The following ELL2 variants were observed in gnomAD, a reference collection of about 807,000 sequenced individuals.
ELL2 encodes elongation factor for RNA polymerase II 2, also known as RNA polymerase II elongation factor ELL2.
ELL2 carries 21 observed loss-of-function variants against 72.8 expected under a neutral mutation model. The observed-to-expected ratio is 0.29, with a 90% CI of 0.20 to 0.42. The LOEUF (loss-of-function observed/expected upper bound fraction) is 0.42, where lower values mean the gene tolerates loss of function less well. Among genes scored for constraint, ELL2 ranks in the 10% least tolerant of loss-of-function variants. ELL2 has a pLI of 1.00. For missense variants in ELL2, 568 were observed against 772.8 expected (o/e 0.73, Z 3.14); for synonymous variants, 266 against 283.2 (o/e 0.94, Z 0.61).
intron 2 of ELL2, among the ~76,000 whole-genome samples, chr5:95,925,280 T>C (rs895200827): frequency 3.9e-5 from 6 of 152,190 alleles, no homozygotes; most frequent in Non-Finnish European, 8.8e-5. Flanking sequence ...AGTGGACTCA[T>C]ATAGCTGAGC....
intron 2 of ELL2, among the ~76,000 whole-genome samples, chr5:95,920,241 TTTG>T (rs947840201): frequency 5.3e-5 from 8 of 151,688 alleles, no homozygotes; most frequent in Admixed American, 1.3e-4. Flanking sequence ...ATGTATTTTC[TTTG>T]TTGTTGTTGT....
intron 2 of ELL2, among the ~76,000 whole-genome samples, chr5:95,929,764 C>G (rs1750527872): frequency 6.7e-6 from 1 of 148,838 alleles, no homozygotes; most frequent in Admixed American, 6.7e-5. Flanking sequence ...AAATAAATTA[C>G]AAGATGAAAG....
At chr5:95,891,755 G>C (rs1748672440) in intron 9 of ELL2, among the ~76,000 whole-genome samples, 1 of 152,176 alleles carries the variant, frequency 6.6e-6, no homozygotes, top group Non-Finnish European at 1.5e-5. Flanking sequence ...GCAGTCTGTT[G>C]CTTGGCCTTT....
At chr5:95,936,529 T>G (rs1750778960) in intron 2 of ELL2, among the ~76,000 whole-genome samples, 1 of 152,120 alleles carries the variant, frequency 6.6e-6, no homozygotes, top group South Asian at 2.1e-4. Context: ...ACCCCTGTAA[T>G]CCCAGCACTT....
At chr5:95,927,163 G>A (rs1750312826) in intron 2 of ELL2, among the ~76,000 whole-genome samples, 1 of 151,850 alleles carries the variant, frequency 6.6e-6, no homozygotes. Flanking sequence ...TGGCACATAT[G>A]TATGAAAGTC....
intron 9 of ELL2, among the ~76,000 whole-genome samples, chr5:95,893,805 T>C (rs1748760646): frequency 6.6e-6 from 1 of 152,266 alleles, no homozygotes; most frequent in African/African-American, 2.4e-5. Flanking sequence ...AAATTTGCTA[T>C]ATCTATGTAA....
intron 2 of ELL2, among the ~76,000 whole-genome samples, chr5:95,933,327 A>G (rs915501091): frequency 1.3e-5 from 2 of 152,214 alleles, no homozygotes; most frequent in Non-Finnish European, 2.9e-5. Flanking sequence ...AGCAATAATA[A>G]TTTATGCACA....
chr5:95,936,366 G>A (rs952801780), intron 2 of ELL2, among the ~76,000 whole-genome samples: 3 of 152,152 alleles, frequency 2.0e-5, no homozygotes, highest in East Asian at 1.9e-4. Context: ...ACAGTGAATC[G>A]AGCTATCCTA....
In ELL2 at chr5:95,885,118, T is replaced by C. The variant is rs1181847672; in HGVS notation, c.*3753A>G. The C allele has an allele frequency of 1.3e-5, 2 of 152,234 alleles. No individual in the cohort carries two copies. Among genetic ancestry groups the C allele is most frequent in the Non-Finnish European group, 2.9e-5 (2 of 68,044 alleles). 9.4% of individuals were successfully genotyped at this position (152,234 alleles called of 1,614,324 possible). The stretch of plus-strand genomic sequence containing the variant: ...CAGAATTGCAAAGTTAACATTTTTA[T>C]TGAACTGAAATTGGTGTAGAACAGG... On this transcript the variant is annotated 3_prime_UTR_variant, in exon 12 of 12. Transcript: ENST00000237853.
chr5:95,961,350 G>C (rs1393967127), intron 1 of ELL2, among the ~76,000 whole-genome samples: 2 of 151,802 alleles, frequency 1.3e-5, no homozygotes, highest in Non-Finnish European at 2.9e-5. Flanking sequence ...CGGCTGCCTC[G>C]GCCCCGCCGC....
intron 9 of ELL2, among the ~76,000 whole-genome samples, chr5:95,892,628 G>A (rs920144137): frequency 2.0e-5 from 3 of 152,264 alleles, no homozygotes; most frequent in African/African-American, 4.8e-5. Context: ...GATGCCCCTT[G>A]GGGGTACACA....
chr5:95,951,003 C>A (rs1751375441), intron 1 of ELL2, among the ~76,000 whole-genome samples: 1 of 144,658 alleles, frequency 6.9e-6, no homozygotes, highest in African/African-American at 2.5e-5. Context: ...TCAAATAGCT[C>A]TTGAACATGG....
intron 2 of ELL2, among the ~76,000 whole-genome samples, chr5:95,924,917 G>A (rs1750231984): frequency 6.6e-6 from 1 of 152,146 alleles, no homozygotes; most frequent in Admixed American, 6.5e-5. Flanking sequence ...ATCAAGTCAC[G>A]GACGTCCTAT....
At chr5:95,905,341 T>G (rs1271838386) in intron 5 of ELL2, among the ~76,000 whole-genome samples, 2 of 152,184 alleles carry the variant, frequency 1.3e-5, no homozygotes, top group African/African-American at 2.4e-5. Context: ...ATGTGTGAAT[T>G]GCCTCTGCAG....
intron 4 of ELL2, among the ~76,000 whole-genome samples, chr5:95,908,768 C>G (rs1749472828): frequency 6.6e-6 from 1 of 152,120 alleles, no homozygotes; most frequent in African/African-American, 2.4e-5. Flanking sequence ...GTCAAGTTCA[C>G]AAGTTTAGAA....
At chr5:95,924,984 T>C (rs1343408612) in intron 2 of ELL2, among the ~76,000 whole-genome samples, 2 of 152,338 alleles carry the variant, frequency 1.3e-5, no homozygotes, top group Non-Finnish European at 1.5e-5. Context: ...CTTTCTCATA[T>C]GTGAATGCTA....
At chr5:95,907,766 AG>A (rs1749432985) in intron 4 of ELL2, among the ~76,000 whole-genome samples, 1 of 152,226 alleles carries the variant, frequency 6.6e-6, no homozygotes, top group Non-Finnish European at 1.5e-5. Flanking sequence ...TGGTTAAAGA[AG>A]GGGAAGAACT....
chr5:95,898,978 A>C (rs1193781381), intron 7 of ELL2, among the ~76,000 whole-genome samples, 168 bp from the exon 8 acceptor site: 2 of 140,762 alleles, frequency 1.4e-5, no homozygotes, highest in African/African-American at 5.5e-5. Flanking sequence ...AACAAACAAA[A>C]AACCCAAACA....
intron 4 of ELL2, 128 bp downstream of exon 4, chr5:95,913,643 A>C (rs952072234): frequency 2.9e-5 from 32 of 1,094,830 alleles, no homozygotes; most frequent in Non-Finnish European, 3.8e-5. Flanking sequence ...TTTTCTCACC[A>C]TGTTATCCAA....
Sources: allele counts gnomAD v4.1 joint callset (sites outside exome capture counted in the v4.1 genomes callset), GRCh38; gene constraint gnomAD v4.1.1; transcripts MANE v1.5; gene names NCBI Gene and HGNC (gene_info 2026-07-23, HGNC 2026-07-21).